Variants in ANO3 observed in about 807,000 individuals in gnomAD.
ANO3 encodes the protein anoctamin-3.
In ANO3, 99 loss-of-function variants were observed where a neutral mutation model predicts 144.8. The observed-to-expected ratio is 0.68, with a 90% CI of 0.58 to 0.81. ANO3 has a LOEUF of 0.81. Among genes scored for constraint, ANO3 ranks in the 30% least tolerant of loss-of-function variants. The pLI is 0.00. For synonymous variants in ANO3, 414 were observed against 392.6 expected (o/e 1.05, Z -0.64); for missense variants, 905 against 1,202.2 (o/e 0.75, Z 3.66).
At chr11:26,544,865 A>AT (rs1017655940) in intron 11 of ANO3, among the ~76,000 whole-genome samples, 5 of 151,790 alleles carry the variant, frequency 3.3e-5, no homozygotes, top group East Asian at 3.9e-4. Flanking sequence ...ACATAGGAGG[A>AT]TTTTTTTTCT....
chr11:26,201,060 T>C (rs1311857285), intron 1 of ANO3, among the ~76,000 whole-genome samples: 1 of 152,108 alleles, frequency 6.6e-6, no homozygotes, highest in East Asian at 1.9e-4. Flanking sequence ...ATGTCCAAAA[T>C]CACAAATGCA....
intron 4 of ANO3, among the ~76,000 whole-genome samples, chr11:26,482,696 T>A (rs1208400333): frequency 1.3e-5 from 2 of 152,178 alleles, no homozygotes; most frequent in Admixed American, 1.3e-4. Context: ...GGGCTATTAG[T>A]GTATCCATGA....
chr11:26,643,967 T>G (rs1296179241), intron 23 of ANO3, among the ~76,000 whole-genome samples: 1 of 152,178 alleles, frequency 6.6e-6, no homozygotes, highest in Admixed American at 6.5e-5. Context: ...CTCCAGATAT[T>G]GAACCTGCTG....
intron 14 of ANO3, among the ~76,000 whole-genome samples, chr11:26,564,692 TACACACACACACACAC>T (rs370277580): frequency 9.2e-4 from 38 of 41,122 alleles, no homozygotes; most frequent in Non-Finnish European, 1.4e-3. Context: ...CTCATATATA[TACACACACACACACAC>T]ACACACACAC....
chr11:26,245,019 GTGCA>G lies in ANO3; in HGVS notation c.154+55699_154+55702del, dbSNP rs1219288671. On this transcript the variant is annotated intron_variant, in intron 1 of 27. Coordinates refer to the ANO3 transcript ENST00000672621. ...TGTGTGTGTGTGTGTGTGTGTGTGTGTGCATGCATGCATTTGTCTTTCATAGCAT... is the reference window on the plus strand; with the variant it reads ...TGTGTGTGTGTGTGTGTGTGTGTGTGTGCATGCATTTGTCTTTCATAGCAT... Among the ~76,000 whole-genome samples the G allele has an allele frequency of 1.2e-4, 9 of 73,472 alleles. 1 individual carries two copies. In the South Asian group the frequency reaches 2.6e-3, roughly 21 times the overall value. The allele number at this position is 73,472 out of a possible 152,430, so 48.2% of individuals were successfully genotyped here. A position where few individuals can be genotyped will look rare whatever the true frequency, so the allele number is the denominator to read the frequency against.
intron 1 of ANO3, among the ~76,000 whole-genome samples, chr11:26,210,392 T>C (rs565587773): frequency 6.6e-6 from 1 of 152,324 alleles, no homozygotes; most frequent in African/African-American, 2.4e-5. Flanking sequence ...TGTAGCCTTG[T>C]AGTATAGTTT....
chr11:26,368,116 A>G (rs1463045045), intron 1 of ANO3, among the ~76,000 whole-genome samples: 2 of 152,204 alleles, frequency 1.3e-5, no homozygotes, highest in East Asian at 3.8e-4. Flanking sequence ...AAAAGATAGC[A>G]TAGTCTCTAT....
At chr11:26,432,632 A>G (rs1464643609) in intron 1 of ANO3, among the ~76,000 whole-genome samples, 2 of 152,146 alleles carry the variant, frequency 1.3e-5, no homozygotes, top group African/African-American at 4.8e-5. Flanking sequence ...CTAGCCAGTT[A>G]TCACAGCACC....
chr11:26,556,346 A>C (rs1175148947), intron 13 of ANO3, among the ~76,000 whole-genome samples: 1 of 151,246 alleles, frequency 6.6e-6, no homozygotes, highest in Non-Finnish European at 1.5e-5. Context: ...TTTTCTCTTT[A>C]AAAAAAAACT....
At chr11:26,376,124 G>T (rs1856399097) in intron 1 of ANO3, among the ~76,000 whole-genome samples, 1 of 152,128 alleles carries the variant, frequency 6.6e-6, no homozygotes, top group Non-Finnish European at 1.5e-5. Flanking sequence ...CATCTTGAAT[G>T]TCAAAGAGCA....
intron 17 of ANO3, among the ~76,000 whole-genome samples, chr11:26,608,956 G>C (rs550459338): frequency 6.6e-6 from 1 of 152,174 alleles, no homozygotes; most frequent in Non-Finnish European, 1.5e-5. Context: ...CTGCAGCTGT[G>C]GTGCTGGTCG....
intron 1 of ANO3, among the ~76,000 whole-genome samples, chr11:26,267,972 G>A (rs901064218): frequency 6.6e-6 from 1 of 151,972 alleles, no homozygotes; most frequent in African/African-American, 2.4e-5. Flanking sequence ...CTGTGAATAA[G>A]AGCAAAATTT....
intron 14 of ANO3, among the ~76,000 whole-genome samples, chr11:26,572,925 C>G (rs750736278): frequency 2.6e-5 from 4 of 152,126 alleles, no homozygotes; most frequent in Non-Finnish European, 4.4e-5. Context: ...ACTTTAGAAG[C>G]TGGAGAATTT....
intron 1 of ANO3, among the ~76,000 whole-genome samples, chr11:26,302,088 T>A (rs1854246698): frequency 6.6e-6 from 1 of 152,264 alleles, no homozygotes; most frequent in African/African-American, 2.4e-5. Flanking sequence ...CCAGTCATCA[T>A]GTGCTGTCTG....
At chr11:26,406,348 C>T (rs1857276845) in intron 1 of ANO3, among the ~76,000 whole-genome samples, 1 of 151,816 alleles carries the variant, frequency 6.6e-6, no homozygotes, top group Non-Finnish European at 1.5e-5. Flanking sequence ...AGGTCACACT[C>T]CTTAATACTG....
At chr11:26,542,953 G>A (rs1356562092) in intron 11 of ANO3, among the ~76,000 whole-genome samples, 1 of 152,044 alleles carries the variant, frequency 6.6e-6, no homozygotes, top group Non-Finnish European at 1.5e-5. Flanking sequence ...TGCCCCCAGT[G>A]TAAAACGGAT....
intron 1 of ANO3, among the ~76,000 whole-genome samples, chr11:26,359,711 A>G (rs1855873112): frequency 6.6e-6 from 1 of 152,170 alleles, no homozygotes; most frequent in South Asian, 2.1e-4. Flanking sequence ...ACTAAAGGCA[A>G]TAAACTGACA....
At chr11:26,410,649 A>G (rs186932555) in intron 1 of ANO3, among the ~76,000 whole-genome samples, 2 of 152,174 alleles carry the variant, frequency 1.3e-5, no homozygotes, top group African/African-American at 4.8e-5. Flanking sequence ...GAGCTGTCAC[A>G]TGGAAGAAAG....
At chr11:26,303,114 C>T (rs1854275521) in intron 1 of ANO3, among the ~76,000 whole-genome samples, 1 of 152,162 alleles carries the variant, frequency 6.6e-6, no homozygotes, top group Non-Finnish European at 1.5e-5. Context: ...TTAGTTCAGC[C>T]ACTGTGGAAA....
Sources: gnomAD v4.1 joint callset for allele counts (sites outside exome capture counted in the v4.1 genomes callset) on GRCh38, gnomAD v4.1.1 for gene constraint, MANE v1.5 for transcripts, NCBI Gene and HGNC (gene_info 2026-07-23, HGNC 2026-07-21) for gene names.